The following GABRB3 variants were observed in gnomAD, a reference collection of about 807,000 sequenced individuals.
The protein encoded by GABRB3 is gamma-aminobutyric acid type A receptor subunit beta3, also known as gamma-aminobutyric acid receptor subunit beta-3.
GABRB3 carries 14 observed loss-of-function variants against 52.1 expected under a neutral mutation model. The ratio of observed to expected loss-of-function variants is 0.27; its 90% CI spans 0.18 to 0.42. The LOEUF (loss-of-function observed/expected upper bound fraction) is 0.42. Ranked by LOEUF, GABRB3 falls within the 10% of genes least tolerant of loss-of-function variation. The probability of loss-of-function intolerance (pLI) is 1.00; values close to 1 mark genes in which losing one functional copy is unlikely to be tolerated. For synonymous variants in GABRB3, 260 were observed against 232.3 expected (o/e 1.12, Z -1.08); for missense variants, 307 against 609.1 (o/e 0.50, Z 5.22).
At chr15:26,653,997 C>T (rs901429618) in intron 3 of GABRB3, among the ~76,000 whole-genome samples, 3 of 152,100 alleles carry the variant, frequency 2.0e-5, no homozygotes, top group Non-Finnish European at 4.4e-5. Context: ...AATGTTAAAA[C>T]AATAAATCCC....
At chr15:26,549,097 C>T (rs1252209655) in intron 8 of GABRB3, among the ~76,000 whole-genome samples, 1 of 152,186 alleles carries the variant, frequency 6.6e-6, no homozygotes, top group Admixed American at 6.5e-5. Flanking sequence ...AAAGCCTACC[C>T]CGTGTTCCTG....
At chr15:26,595,693 G>A (rs1891372430) in intron 4 of GABRB3, among the ~76,000 whole-genome samples, 2 of 152,160 alleles carry the variant, frequency 1.3e-5, no homozygotes, top group African/African-American at 4.8e-5. Flanking sequence ...CTGCCATTCT[G>A]ACTTCTGATT....
At chr15:26,756,898 A>T (rs528804215) in intron 3 of GABRB3, among the ~76,000 whole-genome samples, 69 of 152,314 alleles carry the variant, frequency 4.5e-4, no homozygotes, top group African/African-American at 1.6e-3. Context: ...CTTCTGCACC[A>T]GCTCCTTGCA....
chr15:26,623,283 G>A lies in GABRB3; in HGVS notation c.241-1749C>T, dbSNP rs535345747. ...CTAGACCCCAGGGCAGTGACCACAAGGTGGAAACTAGAATGCCACCTTCGC... is the reference window on the plus strand; with the variant it reads ...CTAGACCCCAGGGCAGTGACCACAAAGTGGAAACTAGAATGCCACCTTCGC... On this transcript the variant is annotated intron_variant, in intron 3 of 8. Coordinates refer to ENST00000311550, the MANE Select transcript of GABRB3 (RefSeq NM_000814.6). 2.0e-5 allele frequency among the ~76,000 whole-genome samples: 3 copies of A among 152,324 alleles called. No individual in the cohort carries two copies. The South Asian group carries it at 6.2e-4, about 32-fold the overall frequency.
At chr15:26,628,708 CAAAACAAAA>C (rs759732370) in intron 3 of GABRB3, among the ~76,000 whole-genome samples, 108 of 131,058 alleles carry the variant, frequency 8.2e-4, no homozygotes, top group Non-Finnish European at 1.3e-3. Flanking sequence ...CAAAACAAAA[CAAAACAAAA>C]AACCAACCAG....
intron 6 of GABRB3, among the ~76,000 whole-genome samples, chr15:26,579,198 G>A (rs749078442): frequency 6.6e-6 from 1 of 152,194 alleles, no homozygotes; most frequent in Non-Finnish European, 1.5e-5. Context: ...AGATGGGGGT[G>A]GGGAGAGGAT....
intron 3 of GABRB3, among the ~76,000 whole-genome samples, chr15:26,692,714 A>T (rs1232550282): frequency 6.6e-6 from 1 of 152,246 alleles, no homozygotes; most frequent in East Asian, 1.9e-4. Flanking sequence ...TAATCCCAAT[A>T]GCTTTTGCAA....
chr15:26,721,401 C>T (rs538535033), intron 3 of GABRB3, among the ~76,000 whole-genome samples: 1 of 152,016 alleles, frequency 6.6e-6, no homozygotes, highest in East Asian at 2.0e-4. Context: ...AATGGAGAGG[C>T]GCCCGCTGAA....
chr15:26,705,969 G>A (rs1889086455), intron 3 of GABRB3, among the ~76,000 whole-genome samples: 1 of 152,108 alleles, frequency 6.6e-6, no homozygotes, highest in South Asian at 2.1e-4. Flanking sequence ...TGGGTTCCAG[G>A]ATCCACCGAA....
chr15:26,632,996 T>C lies in GABRB3; in HGVS notation c.241-11462A>G, dbSNP rs552412968. On this transcript the variant is annotated intron_variant, in intron 3 of 8. Transcript: ENST00000311550. ...TTTATTAGCTGCCCCCAGCCCCCAC[T>C]ATTCTACAGCGAGTATACACCAAAC... 9.9e-4 allele frequency among the ~76,000 whole-genome samples: 150 copies of C among 152,246 alleles called. 1 individual carries two copies. The highest frequency in any genetic ancestry group is 3.4e-3 in the African/African-American group (143 of 41,548).
chr15:26,724,553 G>A (rs1039019101), intron 3 of GABRB3, among the ~76,000 whole-genome samples: 1 of 152,120 alleles, frequency 6.6e-6, no homozygotes, highest in Non-Finnish European at 1.5e-5. Flanking sequence ...TTCCTGATAA[G>A]AGACCACCAA....
intron 3 of GABRB3, among the ~76,000 whole-genome samples, chr15:26,722,090 A>C (rs2140142115): frequency 6.6e-6 from 1 of 152,236 alleles, no homozygotes; most frequent in East Asian, 1.9e-4. Flanking sequence ...CCATGCAATA[A>C]ATCTTAGCTT....
intron 3 of GABRB3, among the ~76,000 whole-genome samples, chr15:26,696,800 C>T (rs571825334): frequency 2.0e-5 from 3 of 152,248 alleles, no homozygotes; most frequent in Admixed American, 6.5e-5. Flanking sequence ...AACACCAATG[C>T]GGGTGGGAGA....
intron 4 of GABRB3, among the ~76,000 whole-genome samples, chr15:26,594,703 A>G (rs767660296): frequency 7.9e-5 from 12 of 152,030 alleles, no homozygotes; most frequent in Non-Finnish European, 1.3e-4. Context: ...TTTGGTAGAG[A>G]TGGGGTCTTG....
chr15:26,616,474 G>A (rs1892261262), intron 4 of GABRB3, among the ~76,000 whole-genome samples: 1 of 152,152 alleles, frequency 6.6e-6, no homozygotes, highest in Non-Finnish European at 1.5e-5. Flanking sequence ...CATGAAGAAT[G>A]TGGTGGTCAG....
At chr15:26,723,593 A>T (rs1365853120) in intron 3 of GABRB3, among the ~76,000 whole-genome samples, 1 of 152,156 alleles carries the variant, frequency 6.6e-6, no homozygotes, top group Admixed American at 6.5e-5. Context: ...GAGGGGACAC[A>T]CCTGACCTCC....
chr15:26,742,549 C>T (rs924604872), intron 3 of GABRB3, among the ~76,000 whole-genome samples: 7 of 152,178 alleles, frequency 4.6e-5, no homozygotes, highest in Non-Finnish European at 8.8e-5. Flanking sequence ...AATGTTTTCA[C>T]CCAACACCTT....
At chr15:26,635,010 A>T (rs1391381525) in intron 3 of GABRB3, among the ~76,000 whole-genome samples, 1 of 74,882 alleles carries the variant, frequency 1.3e-5, no homozygotes, top group African/African-American at 5.0e-5. Context: ...ATATATATAT[A>T]ATATATATAT....
chr15:26,719,408 C>A (rs1297166616), intron 3 of GABRB3, among the ~76,000 whole-genome samples: 1 of 152,206 alleles, frequency 6.6e-6, no homozygotes, highest in Non-Finnish European at 1.5e-5. Context: ...GGCATAAAAT[C>A]ATTATATGAA....
Sources: allele counts gnomAD v4.1 joint callset (sites outside exome capture counted in the v4.1 genomes callset), GRCh38; gene constraint gnomAD v4.1.1; transcripts MANE v1.5; gene names NCBI Gene and HGNC (gene_info 2026-07-23, HGNC 2026-07-21).